The following SLC41A3 variants were observed in gnomAD, a reference collection of about 807,000 sequenced individuals.
SLC41A3 encodes the protein SLC41A1-like 2.
SLC41A3 carries 44 observed loss-of-function variants against 45.4 expected under a neutral mutation model. The ratio of observed to expected loss-of-function variants is 0.97; its 90% confidence interval spans 0.76 to 1.25. The LOEUF is 1.25. Ranked by LOEUF, SLC41A3 falls within the 50% of genes most tolerant of loss-of-function variation. The pLI is 0.00. For missense variants in SLC41A3, 550 were observed against 600.6 expected, an observed-to-expected ratio of 0.92 and a Z score of 0.88; for synonymous variants, 256 against 252.4, an observed-to-expected ratio of 1.01 and a Z score of -0.13.
intron 7 of SLC41A3, 143 bp from the exon 8 acceptor site, chr3:126,015,716 G>A (rs41265739): frequency 0.01 from 7,482 of 748,096 alleles, 59 homozygotes; most frequent in Non-Finnish European, 0.014. Flanking sequence ...TATCTGCTGC[G>A]GCCAAACTGG....
chr3:126,059,086 C>T (rs946026265), intron 2 of SLC41A3, among the ~76,000 whole-genome samples: 2 of 151,364 alleles, frequency 1.3e-5, no homozygotes, highest in Non-Finnish European at 2.9e-5. Context: ...GAACAGAGCC[C>T]TTCTCACTGC....
chr3:126,012,313 C>T (rs1323731429), intron 9 of SLC41A3, among the ~76,000 whole-genome samples: 1 of 152,158 alleles, frequency 6.6e-6, no homozygotes, highest in East Asian at 1.9e-4. Flanking sequence ...TTTTTAATTA[C>T]GAGCCCACTT....
Position 126,006,370 on chromosome 3 carries a change from A to T in SLC41A3, c.*646T>A, listed in dbSNP as rs747403874. On this transcript the variant is annotated 3_prime_UTR_variant, in exon 11 of 11. Coordinates refer to ENST00000360370, the MANE Select transcript of SLC41A3 (RefSeq NM_017836.4). ...AGACATAAAGGGTCAAGTACAATAT[A>T]ATCTGTTTTATTTTACACTTCTCTG... 1 of 1,585,462 alleles carries T rather than the reference A, an allele frequency of 6.3e-7. No individual in the cohort carries two copies. Among genetic ancestry groups the T allele is most frequent in the Admixed American group, 1.8e-5 (1 of 56,546 alleles).
Position 126,026,252 on chromosome 3 carries a change from A to C in SLC41A3, c.598+83T>G. The C allele has an allele frequency of 6.6e-7, 1 of 1,515,226 alleles. No individual in the cohort carries two copies. Among genetic ancestry groups the C allele is most frequent in the Non-Finnish European group, 8.9e-7 (1 of 1,126,578 alleles). The allele number at this position is 1,515,226 out of a possible 1,614,324, so 93.9% of individuals were successfully genotyped here. A position where few individuals can be genotyped will look rare whatever the true frequency, so the allele number is the denominator to read the frequency against. On this transcript the variant is annotated intron_variant, in intron 5 of 10. Coordinates refer to ENST00000360370, the MANE Select transcript of SLC41A3 (RefSeq NM_017836.4). This position sits in a 1 kb window ranked among gnomAD's most constrained non-coding sequence, Gnocchi z 4.2. Reference sequence around the variant, plus strand: ...TTAGCAGTGGGACTCACACCCCCAGAAACTGAAAACACAATGAGCTCTGAG... The same window carrying C: ...TTAGCAGTGGGACTCACACCCCCAGCAACTGAAAACACAATGAGCTCTGAG...
Position 126,007,138 on chromosome 3 carries a change from G to A in SLC41A3, c.1342C>T (p.Leu448Phe), listed in dbSNP as rs781181286. Reference protein sequence around the residue: ...LDPDNHCIPYLTGLGDLLGTG... With the variant: ...LDPDNHCIPYFTGLGDLLGTG... ...CCGAGCAGGTCCCCCAGCCCTGTAA[G>A]GTAGGGGATGCAGTGGTTGTCAGGA... Residue 448 changes from leucine to phenylalanine, a missense_variant, in exon 11 of 11, where the codon CTT becomes TTT. Transcript: ENST00000360370. 2 of 1,614,222 alleles carry A rather than the reference G, an allele frequency of 1.2e-6. No individual in the cohort carries two copies. The highest frequency in any genetic ancestry group is 1.7e-5 in the Admixed American group (1 of 60,034).
At chr3:126,030,609 T>C (rs1941727820) in intron 4 of SLC41A3, among the ~76,000 whole-genome samples, 1 of 152,130 alleles carries the variant, frequency 6.6e-6, no homozygotes, top group Non-Finnish European at 1.5e-5. Context: ...ACAGGCTCAA[T>C]GGACAGATGG....
chr3:126,011,414 G>C (rs950534075), intron 9 of SLC41A3, among the ~76,000 whole-genome samples: 1 of 152,180 alleles, frequency 6.6e-6, no homozygotes, highest in Admixed American at 6.5e-5. Context: ...TAAACAAGGA[G>C]AGTAATAGAC....
chr3:126,066,218 G>A (rs1026169269), intron 2 of SLC41A3, among the ~76,000 whole-genome samples: 2 of 152,202 alleles, frequency 1.3e-5, no homozygotes, highest in Non-Finnish European at 2.9e-5. Flanking sequence ...GGACCTGAGG[G>A]GGCCTCTGGG....
intron 1 of SLC41A3, among the ~76,000 whole-genome samples, chr3:126,076,639 A>C (rs1944891784): frequency 6.6e-6 from 1 of 152,218 alleles, no homozygotes; most frequent in Admixed American, 6.5e-5. Context: ...CAAGAAGCAA[A>C]GCATGACCAG....
intron 8 of SLC41A3, among the ~76,000 whole-genome samples, chr3:126,012,957 C>A (rs1010850538): frequency 2.0e-5 from 3 of 152,134 alleles, no homozygotes; most frequent in Non-Finnish European, 4.4e-5. Context: ...CAGGGAGTAA[C>A]TGCATCACCT....
intron 10 of SLC41A3, among the ~76,000 whole-genome samples, chr3:126,008,142 T>C (rs759479311): frequency 6.6e-6 from 1 of 152,194 alleles, no homozygotes; most frequent in Non-Finnish European, 1.5e-5. Context: ...GCTCCTCTTA[T>C]CCTGTGATGA....
At position 126,033,689 on chromosome 3, in the gene SLC41A3, G is replaced by C; in HGVS notation, c.382-11C>G. The C allele has an allele frequency of 6.2e-7, 1 of 1,611,728 alleles. No individual in the cohort carries two copies. Among genetic ancestry groups the C allele is most frequent in the Non-Finnish European group, 8.5e-7 (1 of 1,179,402 alleles). ...TTGTCCAGTGTTGGCCTAGAATGAA[G>C]AGAAAAGGACAAAGGTAGGACTGGC... On this transcript the variant is annotated splice_polypyrimidine_tract_variant and intron_variant, in intron 3 of 10. Transcript: ENST00000360370.
At chr3:126,010,850 C>A (rs557755620) in intron 9 of SLC41A3, among the ~76,000 whole-genome samples, 13 of 152,346 alleles carry the variant, frequency 8.5e-5, no homozygotes, top group Non-Finnish European at 1.8e-4. Context: ...CCTCTTCTCC[C>A]AGGATAGCAA....
chr3:126,083,957 GGCCCGGC>G (rs1559895029), intron 1 of SLC41A3, 129 bp downstream of exon 1: 1 of 146,158 alleles, frequency 6.8e-6, no homozygotes, highest in Admixed American at 6.7e-5. Context: ...GAGCCCCCAG[GGCCCGGC>G]GCCCGGCTCA....
rs898834652 is a variant in SLC41A3, at chr3:126,094,865, C to T, written c.-79+6564G>A. ...ATGCCTATTAATGTGATTTCTGATT[C>T]TTCATACGTGGTTCATTCCACACAG... is the stretch of plus-strand genomic sequence containing the variant. On this transcript the variant is annotated intron_variant, in intron 1 of 9. Transcript: ENST00000508835. 5.9e-5 allele frequency among the ~76,000 whole-genome samples: 9 copies of T among 152,190 alleles called. No homozygotes were observed. The East Asian group carries it at 1.7e-3, about 29-fold the overall frequency.
At chr3:126,095,928 AG>A (rs1559902619) in intron 1 of SLC41A3, among the ~76,000 whole-genome samples, 1 of 152,258 alleles carries the variant, frequency 6.6e-6, no homozygotes, top group Non-Finnish European at 1.5e-5. Flanking sequence ...GAACCATGGC[AG>A]TATAGTGGCA....
chr3:126,015,036 T>A (rs1006784942), intron 8 of SLC41A3, among the ~76,000 whole-genome samples: 1 of 152,188 alleles, frequency 6.6e-6, no homozygotes, highest in Non-Finnish European at 1.5e-5. Context: ...TGTTACAGTC[T>A]TAATTTTTAA....
At position 126,026,566 on chromosome 3, in the gene SLC41A3, G is replaced by T. The variant is rs1195925161; in HGVS notation, c.454-87C>A. On this transcript the variant is annotated intron_variant, in intron 4 of 10. Coordinates refer to ENST00000360370, the MANE Select transcript of SLC41A3 (RefSeq NM_017836.4). The surrounding 1 kb of genome is among the most constrained non-coding windows in gnomAD (Gnocchi z 4.2). ...CTTCACACCTCACTCACCGCAAGGGGCCGGGTGCCACATGCTACTGCCTCC... is the reference window on the plus strand; with the variant it reads ...CTTCACACCTCACTCACCGCAAGGGTCCGGGTGCCACATGCTACTGCCTCC... The T allele has an allele frequency of 3.3e-6, 5 of 1,501,966 alleles. No homozygotes were observed. In the Admixed American group the frequency reaches 8.3e-5, roughly 25 times the overall value. The allele number at this position is 1,501,966 out of a possible 1,614,324, so 93.0% of individuals were successfully genotyped here. A position where few individuals can be genotyped will look rare whatever the true frequency, so the allele number is the denominator to read the frequency against.
intron 4 of SLC41A3, among the ~76,000 whole-genome samples, chr3:126,032,611 C>T (rs1485553352): frequency 6.6e-6 from 1 of 152,184 alleles, no homozygotes; most frequent in Non-Finnish European, 1.5e-5. Flanking sequence ...AACCATCACA[C>T]TAGACTGAGT....
Sources: allele counts gnomAD v4.1 joint callset (sites outside exome capture counted in the v4.1 genomes callset), GRCh38; gene constraint gnomAD v4.1.1; non-coding constraint Gnocchi (gnomAD v3.1); transcripts MANE v1.5; gene names NCBI Gene and HGNC (gene_info 2026-07-23, HGNC 2026-07-21).